Variants in HYCC1 observed in about 807,000 individuals in gnomAD.
HYCC1 encodes hyccin PI4KA lipid kinase complex subunit 1.
the HYCC1 span, among the ~76,000 whole-genome samples, chr7:22,959,463 T>A: frequency 6.6e-6 from 1 of 152,164 alleles, no homozygotes; most frequent in Admixed American, 6.5e-5. Context: ...TTACCTCTAA[T>A]ATACACGTTT....
At chr7:22,991,099 C>T in the HYCC1 span, 1 of 1,610,990 alleles carries the variant, frequency 6.2e-7, no homozygotes, top group South Asian at 1.1e-5. Context: ...ACCCCTTTCT[C>T]TGAAGTAAAC....
At chr7:23,002,757 T>C in the HYCC1 span, among the ~76,000 whole-genome samples, 29,710 of 152,078 alleles carry the variant, frequency 0.2, 3,504 homozygotes, top group Non-Finnish European at 0.27. Context: ...CCACCTATAT[T>C]TGTTTGCTAG....
chr7:22,911,620 T>C, the HYCC1 span, among the ~76,000 whole-genome samples: 1 of 152,098 alleles, frequency 6.6e-6, no homozygotes, highest in Non-Finnish European at 1.5e-5. Flanking sequence ...CAGCTGGGCG[T>C]GGTGGCGCAC....
the HYCC1 span, among the ~76,000 whole-genome samples, chr7:22,987,051 A>G: frequency 6.6e-6 from 1 of 152,232 alleles, no homozygotes; most frequent in African/African-American, 2.4e-5. Flanking sequence ...TTTGAGTCAC[A>G]TATTGAGATT....
the HYCC1 span, among the ~76,000 whole-genome samples, chr7:22,921,395 T>C: frequency 1.3e-5 from 2 of 152,216 alleles, no homozygotes. Context: ...AGAAGTTAAA[T>C]ATAGCAAACA....
chr7:23,012,674 C>G, the HYCC1 span, among the ~76,000 whole-genome samples: 1 of 152,038 alleles, frequency 6.6e-6, no homozygotes, highest in Admixed American at 6.6e-5. Flanking sequence ...TCCTGTAAAC[C>G]TTAAAATGTA....
At chr7:22,915,496 C>G in the HYCC1 span, among the ~76,000 whole-genome samples, 1 of 152,232 alleles carries the variant, frequency 6.6e-6, no homozygotes, top group Non-Finnish European at 1.5e-5. Context: ...AGACTGTCCA[C>G]CTTGCCTGGC....
chr7:22,950,429 T>C, the HYCC1 span, among the ~76,000 whole-genome samples: 1 of 152,036 alleles, frequency 6.6e-6, no homozygotes, highest in Non-Finnish European at 1.5e-5. Context: ...TTGTATATAG[T>C]AGACACTCAA....
chr7:22,946,851 G>A, the HYCC1 span: 7 of 873,466 alleles, frequency 8.0e-6, no homozygotes, highest in East Asian at 1.3e-4. Context: ...ATTGAGAAAT[G>A]TGGTGCATAA....
chr7:22,927,696 G>C, the HYCC1 span, among the ~76,000 whole-genome samples: 26 of 152,118 alleles, frequency 1.7e-4, no homozygotes, highest in African/African-American at 6.3e-4. Context: ...ATAATTAATA[G>C]CTTCCCAACT....
chr7:22,961,767 T>C, the HYCC1 span, among the ~76,000 whole-genome samples: 143 of 152,280 alleles, frequency 9.4e-4, no homozygotes, highest in African/African-American at 3.1e-3. Context: ...TGCATTCTGA[T>C]AATCACTTAG....
the HYCC1 span, among the ~76,000 whole-genome samples, chr7:22,948,223 A>G: frequency 1.3e-5 from 2 of 152,108 alleles, no homozygotes; most frequent in African/African-American, 4.8e-5. Context: ...GTAAAACAGC[A>G]TATACTTTTT....
At chr7:22,901,978 C>T in the HYCC1 span, among the ~76,000 whole-genome samples, 1 of 152,018 alleles carries the variant, frequency 6.6e-6, no homozygotes, top group East Asian at 1.9e-4. Flanking sequence ...AATACATATC[C>T]TCTTCAAGTA....
the HYCC1 span, among the ~76,000 whole-genome samples, chr7:22,973,933 C>T: frequency 6.6e-6 from 1 of 152,126 alleles, no homozygotes; most frequent in African/African-American, 2.4e-5. Flanking sequence ...AGTGGTTGGG[C>T]ACTGTATTAG....
the HYCC1 span, among the ~76,000 whole-genome samples, chr7:22,963,814 T>C: frequency 1.3e-5 from 2 of 152,144 alleles, no homozygotes; most frequent in Non-Finnish European, 2.9e-5. Context: ...ATAAATTCTG[T>C]CTTCAAAAAG....
chr7:23,004,174 T>A, the HYCC1 span, among the ~76,000 whole-genome samples: 1 of 152,230 alleles, frequency 6.6e-6, no homozygotes, highest in East Asian at 1.9e-4. Context: ...AATGTGAGGC[T>A]AAAATTAGCA....
the HYCC1 span, among the ~76,000 whole-genome samples, chr7:22,997,755 T>C: frequency 3.3e-5 from 5 of 152,152 alleles, no homozygotes; most frequent in Admixed American, 2.0e-4. Context: ...ATATAATTCA[T>C]AGTAAGAGAG....
the HYCC1 span, among the ~76,000 whole-genome samples, chr7:23,000,826 A>G: frequency 6.6e-6 from 1 of 152,174 alleles, no homozygotes. Context: ...AGACATCTGC[A>G]TAAGAAGCCA....
the HYCC1 span, chr7:22,984,109 A>G: frequency 9.5e-6 from 9 of 943,452 alleles, no homozygotes; most frequent in Non-Finnish European, 1.5e-5. Context: ...AAATCCATAG[A>G]TGCAGAAAGT....
Sources: allele counts gnomAD v4.1 joint callset (sites outside exome capture counted in the v4.1 genomes callset), GRCh38; gene constraint gnomAD v4.1.1; transcripts MANE v1.5; gene names NCBI Gene and HGNC (gene_info 2026-07-23, HGNC 2026-07-21).